AP4S1: variants seen among roughly 807,000 people sequenced by gnomAD.
The protein encoded by AP4S1 is AP-4 complex subunit sigma-1.
A neutral mutation model predicts 19.8 loss-of-function variants in AP4S1; 23 were observed. That is an observed-to-expected ratio of 1.16 (90% CI 0.84 to 1.65). The LOEUF (loss-of-function observed/expected upper bound fraction) is 1.65. Ranked by LOEUF, AP4S1 falls within the 40% of genes most tolerant of loss-of-function variation. The pLI is 0.00. For synonymous variants in AP4S1, 46 were observed against 54.1 expected (o/e 0.85, Z 0.66); for missense variants, 166 against 172.8 (o/e 0.96, Z 0.22).
chr14:31,062,969 C>CA lies in AP4S1; in HGVS notation c.-71-3143dup, dbSNP rs541999044. 2.0e-3 allele frequency among the ~76,000 whole-genome samples: 261 copies of CA among 127,642 alleles called. 1 individual carries two copies. Among genetic ancestry groups the CA allele is most frequent in the African/African-American group, 4.4e-3 (150 of 34,376 alleles). 83.7% of individuals were successfully genotyped at this position (127,642 alleles called of 152,430 possible). On this transcript the variant is annotated intron_variant, in intron 1 of 5. Coordinates refer to ENST00000542754, the MANE Select transcript of AP4S1 (RefSeq NM_001128126.3). Reference sequence around the variant, plus strand: ...GGGACAGAGCACGAGACTCCGTTTCCAAAAAAAAAAAAAATCACTAGGAAT... The same window carrying CA: ...GGGACAGAGCACGAGACTCCGTTTCCAAAAAAAAAAAAAAATCACTAGGAAT...
intron 5 of AP4S1, among the ~76,000 whole-genome samples, chr14:31,089,917 TA>T (rs371162386): frequency 2.6e-5 from 4 of 152,192 alleles, no homozygotes; most frequent in Non-Finnish European, 5.9e-5. Flanking sequence ...AAGCTGCGTC[TA>T]AAAAAAGATA....
chr14:31,049,822 G>A (rs912711447), intron 1 of AP4S1, among the ~76,000 whole-genome samples: 1 of 151,722 alleles, frequency 6.6e-6, no homozygotes, highest in African/African-American at 2.4e-5. Flanking sequence ...GTCTGATCTC[G>A]AACTCCTGGG....
chr14:31,085,883 T>TG lies in AP4S1; in HGVS notation c.306+5300dup, dbSNP rs1219186874. 24 of 974,224 alleles carry TG rather than the reference T, an allele frequency of 2.5e-5. No homozygotes were observed. The Middle Eastern group carries it at 1.6e-3, about 64-fold the overall frequency. The allele number at this position is 974,224 out of a possible 1,614,324, so 60.3% of individuals were successfully genotyped here. On this transcript the variant is annotated intron_variant, in intron 5 of 5. Coordinates refer to ENST00000542754, the MANE Select transcript of AP4S1 (RefSeq NM_001128126.3). ...AGCCCTAAAGCTCTGGTGGGTTGTG[T>TG]GAAAAAACCCTGATTCATGTCCCTT...
chr14:31,080,597 A>T lies in AP4S1; in HGVS notation c.306+13A>T, dbSNP rs778705180. The T allele has an allele frequency of 6.2e-7, 1 of 1,613,724 alleles. No individual in the cohort carries two copies. The highest frequency in any genetic ancestry group is 1.1e-5 in the South Asian group (1 of 91,058). ...GAGTGAATTAGATGTATCCTTTTTC[A>T]ATACTGTTTTCCACAGTACTTGGCA... is the stretch of plus-strand genomic sequence containing the variant. On this transcript the variant is annotated intron_variant, in intron 5 of 5. Transcript: ENST00000542754.
intron 5 of AP4S1, chr14:31,084,641 A>G (rs1887830932): frequency 1.4e-6 from 2 of 1,473,104 alleles, no homozygotes; most frequent in Non-Finnish European, 1.9e-6. Context: ...GTTCCACTCC[A>G]CCCGCCCGGC....
intron 5 of AP4S1, 127 bp downstream of exon 5, chr14:31,080,711 A>G (rs1418240855): frequency 2.2e-6 from 3 of 1,350,486 alleles, no homozygotes; most frequent in Non-Finnish European, 3.2e-6. Context: ...CAACTATGAC[A>G]AGACAGCCAG....
At chr14:31,051,347 C>T (rs575538026) in intron 1 of AP4S1, among the ~76,000 whole-genome samples, 1 of 152,048 alleles carries the variant, frequency 6.6e-6, no homozygotes, top group East Asian at 1.9e-4. Context: ...AAAACTTCAT[C>T]ATGCTACTCA....
At chr14:31,067,352 C>T (rs960694880) in intron 2 of AP4S1, among the ~76,000 whole-genome samples, 3 of 151,072 alleles carry the variant, frequency 2.0e-5, no homozygotes, top group African/African-American at 7.3e-5. Flanking sequence ...ATACATGTGC[C>T]ATGTTGGTGT....
At chr14:31,087,974 G>A (rs1266968976) in intron 5 of AP4S1, among the ~76,000 whole-genome samples, 2 of 152,164 alleles carry the variant, frequency 1.3e-5, no homozygotes, top group South Asian at 2.1e-4. Context: ...CTGTGGGTCC[G>A]AGGGAACGTG....
chr14:31,049,607 G>GAC (rs931471622), intron 1 of AP4S1, among the ~76,000 whole-genome samples: 1 of 149,552 alleles, frequency 6.7e-6, no homozygotes, highest in African/African-American at 2.5e-5. Context: ...TATATACTCA[G>GAC]ACACACACAC....
chr14:31,035,503 A>T (rs933976313), intron 1 of AP4S1, among the ~76,000 whole-genome samples: 4 of 151,834 alleles, frequency 2.6e-5, no homozygotes, highest in Non-Finnish European at 5.9e-5. Flanking sequence ...TAATTCCTTT[A>T]TACAATCTAA....
intron 4 of AP4S1, among the ~76,000 whole-genome samples, chr14:31,073,934 T>C (rs1227876307): frequency 6.6e-6 from 1 of 152,106 alleles, no homozygotes; most frequent in Non-Finnish European, 1.5e-5. Flanking sequence ...AAAAGTCAAT[T>C]CTCCTTAGGG....
intron 1 of AP4S1, among the ~76,000 whole-genome samples, chr14:31,045,988 C>CG (rs1272541991): frequency 7.1e-6 from 1 of 140,180 alleles, no homozygotes; most frequent in African/African-American, 2.7e-5. Flanking sequence ...TTTTTTGAGA[C>CG]GGAGTTTCAC....
intron 1 of AP4S1, among the ~76,000 whole-genome samples, chr14:31,057,908 G>A (rs1339558985): frequency 2.0e-5 from 3 of 150,436 alleles, no homozygotes; most frequent in South Asian, 2.1e-4. Flanking sequence ...GATTACAGGC[G>A]TGAGCAACTG....
At chr14:31,039,432 G>A (rs1471705909) in intron 1 of AP4S1, among the ~76,000 whole-genome samples, 1 of 151,922 alleles carries the variant, frequency 6.6e-6, no homozygotes, top group African/African-American at 2.4e-5. Context: ...TGATCTGCCC[G>A]CCTCGGCCTC....
intron 5 of AP4S1, among the ~76,000 whole-genome samples, chr14:31,091,933 A>T (rs182286791): frequency 6.6e-6 from 1 of 152,224 alleles, no homozygotes; most frequent in Non-Finnish European, 1.5e-5. Context: ...AGAAACATTC[A>T]TTGTCATCAT....
intron 1 of AP4S1, among the ~76,000 whole-genome samples, chr14:31,035,319 C>T (rs916217040): frequency 2.2e-4 from 34 of 151,146 alleles, no homozygotes; most frequent in African/African-American, 7.6e-4. Flanking sequence ...CTCAGCCTCC[C>T]GAGTAGCTGG....
At chr14:31,054,895 A>AC (rs1886019647) in intron 1 of AP4S1, among the ~76,000 whole-genome samples, 1 of 137,800 alleles carries the variant, frequency 7.3e-6, no homozygotes, top group African/African-American at 2.6e-5. Context: ...AAAAAAAAAA[A>AC]ACAGTGACAG....
chr14:31,076,828 C>T (rs1403346142), intron 4 of AP4S1, among the ~76,000 whole-genome samples: 1 of 152,164 alleles, frequency 6.6e-6, no homozygotes, highest in Non-Finnish European at 1.5e-5. Context: ...ACTCACCAGT[C>T]TTTTAAAAAA....
Sources: allele counts gnomAD v4.1 joint callset (sites outside exome capture counted in the v4.1 genomes callset), GRCh38; gene constraint gnomAD v4.1.1; transcripts MANE v1.5; gene names NCBI Gene and HGNC (gene_info 2026-07-23, HGNC 2026-07-21).